GNA14: variants seen among roughly 807,000 people sequenced by gnomAD.
The protein encoded by GNA14 is guanine nucleotide-binding protein subunit alpha-14.
GNA14 carries 50 observed loss-of-function variants against 42.0 expected under a neutral mutation model. The observed-to-expected ratio is 1.19, with a 90% CI of 0.95 to 1.51. The LOEUF (loss-of-function observed/expected upper bound fraction) is 1.51. Ranked by LOEUF, GNA14 falls within the 40% of genes most tolerant of loss-of-function variation. The pLI, the probability that GNA14 is intolerant of heterozygous loss-of-function variation, is 0.00. For synonymous variants in GNA14, 173 were observed against 163.1 expected (o/e 1.06, Z -0.46); for missense variants, 473 against 446.2 (o/e 1.06, Z -0.54).
intron 2 of GNA14, among the ~76,000 whole-genome samples, chr9:77,493,026 A>AATATCTAT (rs1554691642): frequency 3.9e-5 from 2 of 51,730 alleles, no homozygotes; most frequent in African/African-American, 2.3e-4. Flanking sequence ...AAAAAAAAAA[A>AATATCTAT]ATATATATAT....
At chr9:77,440,479 G>C (rs911233295) in intron 2 of GNA14, among the ~76,000 whole-genome samples, 23 of 152,198 alleles carry the variant, frequency 1.5e-4, no homozygotes, top group African/African-American at 5.5e-4. Flanking sequence ...TTAAGCTAGA[G>C]TCCTTGTTCC....
chr9:77,593,059 G>A (rs1032498899), intron 1 of GNA14, among the ~76,000 whole-genome samples: 10 of 152,006 alleles, frequency 6.6e-5, no homozygotes, highest in Non-Finnish European at 1.2e-4. Flanking sequence ...TCTACTGTGG[G>A]GGAGAAGGAG....
chr9:77,446,463 G>C (rs1489174193), intron 2 of GNA14, among the ~76,000 whole-genome samples: 1 of 152,230 alleles, frequency 6.6e-6, no homozygotes, highest in Non-Finnish European at 1.5e-5. Context: ...GTCATGCTGT[G>C]TCTCTCAGCC....
chr9:77,493,179 G>T (rs993884733), intron 2 of GNA14, among the ~76,000 whole-genome samples: 1 of 151,380 alleles, frequency 6.6e-6, no homozygotes, highest in Non-Finnish European at 1.5e-5. Flanking sequence ...TCACCATCAG[G>T]TGAAGGACTG....
intron 1 of GNA14, among the ~76,000 whole-genome samples, chr9:77,578,145 A>T (rs1564058046): frequency 2.0e-5 from 3 of 152,154 alleles, no homozygotes; most frequent in East Asian, 3.9e-4. Flanking sequence ...GCGTGGTGGC[A>T]CACACCCGTA....
intron 1 of GNA14, among the ~76,000 whole-genome samples, chr9:77,631,034 G>A (rs918964986): frequency 3.9e-5 from 6 of 152,144 alleles, no homozygotes; most frequent in Admixed American, 1.3e-4. Context: ...GCAAAACAGC[G>A]TATATTATTT....
rs59975831 is a variant in GNA14, at chr9:77,593,334, C to CT, written c.124+54335dup. On this transcript the variant is annotated intron_variant, in intron 1 of 6. Transcript: ENST00000341700. ...GATCAAAATACCCTCCCTAACATTC[C>CT]TTTTTTTTTTTGAAACGGAGTCTCA... Among the ~76,000 whole-genome samples, 134 of 142,916 alleles carry CT rather than the reference C, an allele frequency of 9.4e-4. 2 individuals are homozygous for CT. The highest frequency in any genetic ancestry group is 7.1e-3 in the Middle Eastern group (2 of 282). 93.8% of individuals were successfully genotyped at this position (142,916 alleles called of 152,430 possible).
At chr9:77,449,910 G>A (rs1242525857) in intron 2 of GNA14, among the ~76,000 whole-genome samples, 1 of 152,190 alleles carries the variant, frequency 6.6e-6, no homozygotes, top group Non-Finnish European at 1.5e-5. Flanking sequence ...TTCCCTGTGT[G>A]TGCCTCACAG....
chr9:77,497,688 T>C (rs1836893161), intron 2 of GNA14, among the ~76,000 whole-genome samples: 1 of 152,190 alleles, frequency 6.6e-6, no homozygotes, highest in Non-Finnish European at 1.5e-5. Flanking sequence ...TGACCAAACA[T>C]AAATATATTT....
At chr9:77,438,324 C>T (rs573211240) in intron 2 of GNA14, among the ~76,000 whole-genome samples, 12 of 151,996 alleles carry the variant, frequency 7.9e-5, no homozygotes, top group Admixed American at 2.0e-4. Context: ...TGGAGCACAA[C>T]GGCGCGATCT....
chr9:77,565,465 A>C (rs923497036), intron 1 of GNA14, among the ~76,000 whole-genome samples: 15 of 152,028 alleles, frequency 9.9e-5, no homozygotes, highest in Admixed American at 2.0e-4. Flanking sequence ...CTTTTTTTAA[A>C]CTTTATTTTT....
chr9:77,481,005 G>A (rs1453362610), intron 2 of GNA14, among the ~76,000 whole-genome samples: 1 of 152,016 alleles, frequency 6.6e-6, no homozygotes, highest in South Asian at 2.1e-4. Context: ...ATCAGCTCCT[G>A]GATTCATTAA....
At chr9:77,572,583 T>C (rs1823076426) in intron 1 of GNA14, among the ~76,000 whole-genome samples, 1 of 152,006 alleles carries the variant, frequency 6.6e-6, no homozygotes, top group South Asian at 2.1e-4. Flanking sequence ...AAAATATTTA[T>C]GTCAGACTCA....
chr9:77,549,787 C>T (rs1837767394), intron 1 of GNA14, among the ~76,000 whole-genome samples: 1 of 152,120 alleles, frequency 6.6e-6, no homozygotes, highest in Non-Finnish European at 1.5e-5. Context: ...TTCTCCCCAC[C>T]CAAGGGAGCA....
chr9:77,599,703 G>A (rs963702996), intron 1 of GNA14, among the ~76,000 whole-genome samples: 1 of 152,168 alleles, frequency 6.6e-6, no homozygotes, highest in African/African-American at 2.4e-5. Context: ...TTGGGAGGGT[G>A]TGCTGGGCAG....
At chr9:77,475,828 G>A (rs979875525) in intron 2 of GNA14, among the ~76,000 whole-genome samples, 10 of 152,180 alleles carry the variant, frequency 6.6e-5, no homozygotes, top group Non-Finnish European at 1.5e-4. Context: ...GGAGACCTAC[G>A]TGGGCTCTAG....
Position 77,425,594 on chromosome 9 carries a change from G to C in GNA14, c.845C>G (p.Ser282Cys), listed in dbSNP as rs749886105. The change falls in exon 6 of 7, where the codon TCT becomes TGT. Residue 282 changes from serine (S) to cysteine (C), a missense_variant. Ser to Cys is a moderately radical substitution (Grantham distance 112). Transcript: ENST00000341700. The part of the protein sequence containing the change: ...KDLLEEKIMY[S>C]HLISYFPEYT... The stretch of plus-strand genomic sequence containing the variant: ...TTCTGGGAAATAGCTAATTAGATGA[G>C]AGTACATGATTTTCTCTTCCAAAAG... 2 of 1,608,892 alleles carry C rather than the reference G, an allele frequency of 1.2e-6. No homozygotes were observed. The highest frequency in any genetic ancestry group is 1.7e-6 in the Non-Finnish European group (2 of 1,176,216).
chr9:77,461,248 G>C (rs528639141), intron 2 of GNA14, among the ~76,000 whole-genome samples: 47 of 152,288 alleles, frequency 3.1e-4, no homozygotes, highest in African/African-American at 1.1e-3. Context: ...CACCAGCATG[G>C]GAGCAAGAGA....
intron 2 of GNA14, among the ~76,000 whole-genome samples, chr9:77,463,876 T>G (rs1311987189): frequency 6.6e-6 from 1 of 152,292 alleles, no homozygotes; most frequent in South Asian, 2.1e-4. Flanking sequence ...TAAAAGTGCA[T>G]GTATGGATTC....
Sources: gnomAD v4.1 joint callset for allele counts (sites outside exome capture counted in the v4.1 genomes callset) on GRCh38, gnomAD v4.1.1 for gene constraint, MANE v1.5 for transcripts, NCBI Gene and HGNC (gene_info 2026-07-23, HGNC 2026-07-21) for gene names.